The following FRAS1 variants were observed in gnomAD, a reference collection of about 807,000 sequenced individuals.
FRAS1 encodes the protein extracellular matrix organizing protein FRAS1.
Under a neutral mutation model 435.2 loss-of-function variants are expected in FRAS1, and 290 were observed. That is an observed-to-expected ratio of 0.67 (90% CI 0.61 to 0.73). The LOEUF (loss-of-function observed/expected upper bound fraction) is 0.73, where lower values mean the gene tolerates loss of function less well. FRAS1 is among the 30% of genes least tolerant of loss of function. FRAS1 has a pLI of 0.00. For missense variants in FRAS1, 4,860 were observed against 5,001.5 expected (o/e 0.97, Z 0.85); for synonymous variants, 1,800 against 1,851.0 (o/e 0.97, Z 0.71).
intron 59 of FRAS1, among the ~76,000 whole-genome samples, chr4:78,491,175 A>T (rs964371136): frequency 3.3e-5 from 5 of 152,188 alleles, no homozygotes; most frequent in Non-Finnish European, 5.9e-5. Flanking sequence ...ATAGCCTACC[A>T]ACCAAAAAAA....
intron 14 of FRAS1, among the ~76,000 whole-genome samples, chr4:78,294,820 C>T (rs927271470): frequency 8.6e-5 from 13 of 151,900 alleles, no homozygotes; most frequent in Non-Finnish European, 8.8e-5. Flanking sequence ...TACCAAAATT[C>T]CCCCCAAATA....
In FRAS1 at chr4:78,426,997, T is replaced by C. The variant is rs1189633136; in HGVS notation, c.4712-2098T>C. 2.0e-5 allele frequency among the ~76,000 whole-genome samples: 3 copies of C among 152,314 alleles called. No homozygotes were observed. In the East Asian group the frequency reaches 5.8e-4, roughly 29 times the overall value. On this transcript the variant is annotated intron_variant, in intron 35 of 73. Transcript: ENST00000512123. ...TCCCTCCTCCTGTAAAATAAGGATG[T>C]TGAAAGCTTCCTGGACTTCCTCCCT... is the stretch of plus-strand genomic sequence containing the variant.
At chr4:78,116,527 A>G (rs1197795201) in intron 2 of FRAS1, among the ~76,000 whole-genome samples, 2 of 152,170 alleles carry the variant, frequency 1.3e-5, no homozygotes, top group Non-Finnish European at 2.9e-5. Context: ...TATTGGGTTC[A>G]TATATATTTA....
chr4:78,128,111 C>T (rs1219666978), intron 2 of FRAS1, among the ~76,000 whole-genome samples: 7 of 152,022 alleles, frequency 4.6e-5, no homozygotes, highest in Non-Finnish European at 8.8e-5. Flanking sequence ...CATAGTATTC[C>T]GTGGTGTATA....
chr4:78,450,987 A>C (rs903588025), intron 45 of FRAS1, among the ~76,000 whole-genome samples: 2 of 152,186 alleles, frequency 1.3e-5, no homozygotes, highest in Non-Finnish European at 2.9e-5. Context: ...GCGGATAAAA[A>C]ACAAGTGTCC....
chr4:78,321,042 C>T (rs1177445860), intron 18 of FRAS1, among the ~76,000 whole-genome samples: 2 of 152,154 alleles, frequency 1.3e-5, no homozygotes, highest in Non-Finnish European at 2.9e-5. Flanking sequence ...ATTAAACATT[C>T]AAAAATGGGG....
At chr4:78,116,945 G>C (rs545306302) in intron 2 of FRAS1, among the ~76,000 whole-genome samples, 1 of 152,104 alleles carries the variant, frequency 6.6e-6, no homozygotes, top group African/African-American at 2.4e-5. Context: ...TTACAATTTG[G>C]CATGTTTTTG....
chr4:78,281,788 G>C (rs915003131), intron 11 of FRAS1, among the ~76,000 whole-genome samples: 3 of 152,160 alleles, frequency 2.0e-5, no homozygotes, highest in African/African-American at 7.2e-5. Flanking sequence ...TGAAGAAAGA[G>C]CTTCTTGGGT....
chr4:78,152,791 G>A (rs1045637257), intron 2 of FRAS1, among the ~76,000 whole-genome samples: 1 of 151,948 alleles, frequency 6.6e-6, no homozygotes, highest in African/African-American at 2.4e-5. Context: ...TAAATAATTT[G>A]CTCCTTTGGT....
intron 2 of FRAS1, among the ~76,000 whole-genome samples, chr4:78,093,056 T>G (rs1464987734): frequency 1.5e-4 from 23 of 152,214 alleles, no homozygotes; most frequent in Admixed American, 1.5e-3. Flanking sequence ...GTATGTGTGA[T>G]TTTCATTCAA....
intron 61 of FRAS1, among the ~76,000 whole-genome samples, chr4:78,507,092 CA>C (rs369651286): frequency 2.8e-4 from 42 of 152,072 alleles, no homozygotes; most frequent in African/African-American, 9.4e-4. Context: ...AAAAATTAAG[CA>C]AAAAAACTCA....
chr4:78,472,038 G>A, intron 51 of FRAS1, 142 bp from the exon 52 acceptor site: 1 of 819,190 alleles, frequency 1.2e-6, no homozygotes, highest in Admixed American at 2.4e-5. Flanking sequence ...CATCCTCATA[G>A]CCTCTCCAAT....
chr4:78,320,874 T>C (rs1729475719), intron 18 of FRAS1, among the ~76,000 whole-genome samples: 1 of 151,964 alleles, frequency 6.6e-6, no homozygotes, highest in Admixed American at 6.6e-5. Flanking sequence ...GACACACAGG[T>C]TGAAAGTGGA....
chr4:78,061,634 G>A (rs1045331517), intron 1 of FRAS1, among the ~76,000 whole-genome samples: 1 of 152,214 alleles, frequency 6.6e-6, no homozygotes, highest in Non-Finnish European at 1.5e-5. Flanking sequence ...CTGGGCTGCA[G>A]AGTTGTTTCA....
At chr4:78,170,382 CCTCTGTAAG>C (rs1008149059) in intron 2 of FRAS1, among the ~76,000 whole-genome samples, 1 of 152,096 alleles carries the variant, frequency 6.6e-6, no homozygotes, top group Non-Finnish European at 1.5e-5. Context: ...TGATATTTCT[CCTCTGTAAG>C]CACATATAAT....
intron 55 of FRAS1, among the ~76,000 whole-genome samples, chr4:78,479,069 A>G (rs1309916776): frequency 6.6e-6 from 1 of 152,258 alleles, no homozygotes; most frequent in Non-Finnish European, 1.5e-5. Context: ...TATGTGTCAT[A>G]TCTTTCCACC....
At chr4:78,519,268 T>C (rs1258684813) in intron 66 of FRAS1, 63 bp from the exon 67 acceptor site, 106 of 1,383,004 alleles carry the variant, frequency 7.7e-5, no homozygotes, top group Non-Finnish European at 9.9e-5. Flanking sequence ...CAAGATGTGG[T>C]GATAGTATGT....
At chr4:78,272,723 T>A (rs1284762301) in intron 9 of FRAS1, among the ~76,000 whole-genome samples, 18 of 152,350 alleles carry the variant, frequency 1.2e-4, no homozygotes, top group African/African-American at 3.8e-4. Flanking sequence ...AGCCTTGTAG[T>A]ATAGTTTGAA....
intron 30 of FRAS1, among the ~76,000 whole-genome samples, chr4:78,405,421 A>G (rs113081695): frequency 0.044 from 6,703 of 152,238 alleles, 504 homozygotes; most frequent in African/African-American, 0.15. Context: ...TTTCTACTTG[A>G]GTACAAATAA....
Sources: allele counts gnomAD v4.1 joint callset (sites outside exome capture counted in the v4.1 genomes callset), GRCh38; gene constraint gnomAD v4.1.1; transcripts MANE v1.5; gene names NCBI Gene and HGNC (gene_info 2026-07-23, HGNC 2026-07-21).